The following GRIN2B variants were observed in gnomAD, a reference collection of about 807,000 sequenced individuals.
GRIN2B encodes glutamate receptor ionotropic, NMDA 2B.
A neutral mutation model predicts 114.5 loss-of-function variants in GRIN2B; 5 were observed. The ratio of observed to expected loss-of-function variants is 0.04; its 90% CI spans 0.02 to 0.09. The LOEUF (loss-of-function observed/expected upper bound fraction) is 0.09. GRIN2B is among the 10% of genes least tolerant of loss of function. The pLI is 1.00. For missense variants in GRIN2B, 1,108 were observed against 1,943.5 expected, an observed-to-expected ratio of 0.57 and a Z score of 8.08; for synonymous variants, 787 against 745.1, an observed-to-expected ratio of 1.06 and a Z score of -0.92.
chr12:13,680,118 T>C (rs1040582354), intron 4 of GRIN2B, among the ~76,000 whole-genome samples: 1 of 152,084 alleles, frequency 6.6e-6, no homozygotes, highest in African/African-American at 2.4e-5. Context: ...AAAATGGAGA[T>C]TGGCTTCTAC....
intron 4 of GRIN2B, among the ~76,000 whole-genome samples, chr12:13,729,981 CTA>C (rs1004111400): frequency 1.2e-4 from 16 of 130,506 alleles, no homozygotes; most frequent in African/African-American, 5.0e-4. Flanking sequence ...AAATATACAC[CTA>C]TTTTTTTTTT....
In GRIN2B at chr12:13,595,470, T is replaced by C. The variant is rs541442099; in HGVS notation, c.2010+13133A>G. Among the ~76,000 whole-genome samples the C allele has an allele frequency of 6.6e-5, 10 of 152,294 alleles. 1 individual carries two copies. In the South Asian group the frequency reaches 1.7e-3, roughly 25 times the overall value. ...AGAAATCAAGCTATTCTGCCCATAC[T>C]GTTTGGACTCCAAATTATCCCAAAT... On this transcript the variant is annotated intron_variant, in intron 10 of 13. Transcript: ENST00000609686.
In GRIN2B at chr12:13,812,554, T is replaced by C. The variant is rs1245803620; in HGVS notation, c.411+53244A>G. Among the ~76,000 whole-genome samples the C allele has an allele frequency of 2.0e-5, 3 of 152,196 alleles. No individual in the cohort carries two copies. The South Asian group carries it at 6.2e-4, about 32-fold the overall frequency. On this transcript the variant is annotated intron_variant, in intron 3 of 13. Coordinates refer to ENST00000609686, the MANE Select transcript of GRIN2B (RefSeq NM_000834.5). Reference sequence around the variant, plus strand: ...TGAGCAAAATTCTGCTACACTACTTTGCATTCACTAAAGAAATATTAGTAC... The same window carrying C: ...TGAGCAAAATTCTGCTACACTACTTCGCATTCACTAAAGAAATATTAGTAC...
intron 4 of GRIN2B, among the ~76,000 whole-genome samples, chr12:13,719,166 G>A (rs190541898): frequency 8.4e-4 from 128 of 152,130 alleles, no homozygotes; most frequent in African/African-American, 3.0e-3. Context: ...ATCCAACAGA[G>A]TAGACTGCCA....
intron 2 of GRIN2B, among the ~76,000 whole-genome samples, chr12:13,874,052 C>T (rs73296769): frequency 0.014 from 2,060 of 152,272 alleles, 45 homozygotes; most frequent in African/African-American, 0.047. Context: ...CAGGTAAGGA[C>T]GCCCATCCTA....
At position 13,899,430 on chromosome 12, in the gene GRIN2B, C is replaced by T. The variant is rs778191863; in HGVS notation, c.-18-33204G>A. 1.0e-4 allele frequency among the ~76,000 whole-genome samples: 15 copies of T among 144,842 alleles called. 4 individuals carry two copies. The highest frequency in any genetic ancestry group is 1.7e-4 in the Non-Finnish European group (11 of 62,952). On this transcript the variant is annotated intron_variant, in intron 2 of 13. Transcript: ENST00000609686. ...GAAGAGTGTTTAATCGTAGGGCAATCGGGGAGGTACCTTATGTAAGCCATG... is the reference window on the plus strand; with the variant it reads ...GAAGAGTGTTTAATCGTAGGGCAATTGGGGAGGTACCTTATGTAAGCCATG...
chr12:13,915,517 G>A (rs938736408), intron 2 of GRIN2B, among the ~76,000 whole-genome samples: 2 of 152,146 alleles, frequency 1.3e-5, no homozygotes, highest in African/African-American at 4.8e-5. Flanking sequence ...TAGGCTCCAG[G>A]CCCCTTGTAA....
At chr12:13,946,144 T>C (rs1347542596) in intron 2 of GRIN2B, among the ~76,000 whole-genome samples, 3 of 152,192 alleles carry the variant, frequency 2.0e-5, no homozygotes, top group Non-Finnish European at 4.4e-5. Context: ...GGGTAAATAA[T>C]GTCTTCAAAC....
intron 6 of GRIN2B, 116 bp downstream of exon 6, chr12:13,616,339 G>A: frequency 1.3e-6 from 1 of 763,340 alleles, no homozygotes; most frequent in Non-Finnish European, 2.3e-6. Flanking sequence ...AAAGCAACTA[G>A]AAATCAGACA....
chr12:13,938,633 A>G (rs560309218), intron 2 of GRIN2B, among the ~76,000 whole-genome samples: 2 of 152,336 alleles, frequency 1.3e-5, no homozygotes, highest in East Asian at 1.9e-4. Context: ...GATTCAAAAG[A>G]TTACATAGTG....
intron 4 of GRIN2B, among the ~76,000 whole-genome samples, chr12:13,681,706 G>C (rs1388312520): frequency 1.3e-5 from 2 of 152,062 alleles, no homozygotes; most frequent in Non-Finnish European, 2.9e-5. Flanking sequence ...ATAGTTTTTA[G>C]TGTGTATATG....
At chr12:13,832,958 A>G (rs191218788) in intron 3 of GRIN2B, among the ~76,000 whole-genome samples, 2 of 152,276 alleles carry the variant, frequency 1.3e-5, no homozygotes, top group East Asian at 1.9e-4. Flanking sequence ...ATTTTAATTA[A>G]AAAAAATCGT....
At chr12:13,620,608 CAT>C (rs1420272334) in intron 5 of GRIN2B, among the ~76,000 whole-genome samples, 1 of 152,158 alleles carries the variant, frequency 6.6e-6, no homozygotes. Context: ...TAATTCTAAA[CAT>C]GTCTCTGAGT....
At chr12:13,934,230 C>T (rs1687125978) in intron 2 of GRIN2B, among the ~76,000 whole-genome samples, 1 of 152,144 alleles carries the variant, frequency 6.6e-6, no homozygotes, top group Non-Finnish European at 1.5e-5. Context: ...CCTCTGTGTC[C>T]AAATCTCTCC....
intron 3 of GRIN2B, among the ~76,000 whole-genome samples, chr12:13,796,132 G>A (rs1467897260): frequency 1.3e-5 from 2 of 149,728 alleles, no homozygotes; most frequent in African/African-American, 4.9e-5. Flanking sequence ...TGCAATAAGA[G>A]TTCAACACAC....
chr12:13,630,062 C>G (rs1249299584), intron 5 of GRIN2B, among the ~76,000 whole-genome samples: 2 of 152,188 alleles, frequency 1.3e-5, no homozygotes, highest in African/African-American at 4.8e-5. Flanking sequence ...TCCTCAATGG[C>G]AGGGACTGAA....
intron 2 of GRIN2B, among the ~76,000 whole-genome samples, chr12:13,885,461 C>T (rs759131525): frequency 6.6e-6 from 1 of 152,042 alleles, no homozygotes; most frequent in African/African-American, 2.4e-5. Context: ...TAAGAGGAAC[C>T]TTTTCTCCCC....
At chr12:13,713,767 T>C (rs1299408169) in intron 4 of GRIN2B, among the ~76,000 whole-genome samples, 2 of 151,878 alleles carry the variant, frequency 1.3e-5, no homozygotes, top group Admixed American at 1.3e-4. Context: ...CTTGCATATT[T>C]AGAAATCTGT....
In GRIN2B at chr12:13,561,585, C is replaced by T. The variant is rs1948544467; in HGVS notation, c.*1198G>A. On this transcript the variant is annotated 3_prime_UTR_variant, in exon 14 of 14. Transcript: ENST00000609686. Reference sequence around the variant, plus strand: ...TTACCCTACCATACACGACTCCTTACTTCTTCAAAGGTGGCTTCGTTCTTC... The same window carrying T: ...TTACCCTACCATACACGACTCCTTATTTCTTCAAAGGTGGCTTCGTTCTTC... 1 of 152,676 alleles carries T rather than the reference C, an allele frequency of 6.5e-6. No homozygotes were observed. Among genetic ancestry groups the T allele is most frequent in the Non-Finnish European group, 1.5e-5 (1 of 68,060 alleles). The allele number at this position is 152,676 out of a possible 1,614,324, so 9.5% of individuals were successfully genotyped here.
Sources: allele counts gnomAD v4.1 joint callset (sites outside exome capture counted in the v4.1 genomes callset), GRCh38; gene constraint gnomAD v4.1.1; transcripts MANE v1.5; gene names NCBI Gene and HGNC (gene_info 2026-07-23, HGNC 2026-07-21).